The following GPC6 variants were observed in gnomAD, a reference collection of about 807,000 sequenced individuals.
GPC6 encodes the protein glypican 6.
In GPC6, 14 loss-of-function variants were observed where a neutral mutation model predicts 55.2. The ratio of observed to expected loss-of-function variants is 0.25; its 90% CI spans 0.17 to 0.40. The LOEUF (loss-of-function observed/expected upper bound fraction) is 0.40, where lower values mean the gene tolerates loss of function less well. GPC6 is among the 10% of genes least tolerant of loss of function. The probability of loss-of-function intolerance (pLI) is 1.00; values close to 1 mark genes in which losing one functional copy is unlikely to be tolerated. For synonymous variants in GPC6, 278 were observed against 259.6 expected, an observed-to-expected ratio of 1.07 and a Z score of -0.68; for missense variants, 641 against 708.5, an observed-to-expected ratio of 0.90 and a Z score of 1.08.
chr13:94,189,609 C>T (rs531419283), intron 4 of GPC6, among the ~76,000 whole-genome samples: 3 of 152,308 alleles, frequency 2.0e-5, no homozygotes, highest in South Asian at 4.1e-4. Flanking sequence ...ACATTCCTTG[C>T]AATGTCAAGG....
chr13:94,041,146 A>C (rs536319152), intron 4 of GPC6, among the ~76,000 whole-genome samples: 1 of 152,002 alleles, frequency 6.6e-6, no homozygotes, highest in Non-Finnish European at 1.5e-5. Flanking sequence ...TTAGAGTTAC[A>C]TCCGGACATT....
chr13:94,282,120 A>G (rs1892402482), intron 4 of GPC6, among the ~76,000 whole-genome samples: 1 of 152,248 alleles, frequency 6.6e-6, no homozygotes, highest in Non-Finnish European at 1.5e-5. Context: ...GGTTAAAATA[A>G]TAATCGTACT....
In GPC6 at chr13:93,564,578, C is replaced by A. The variant is rs1363832415; in HGVS notation, c.319+19157C>A. 2.0e-5 allele frequency among the ~76,000 whole-genome samples: 3 copies of A among 152,168 alleles called. No homozygotes were observed. The South Asian group carries it at 6.2e-4, about 31-fold the overall frequency. ...TGTGAAAGTCTTTTGCTTTTCTACACCCCACTTTCAATTTAAAAGTGACCA... is the reference window on the plus strand; with the variant it reads ...TGTGAAAGTCTTTTGCTTTTCTACAACCCACTTTCAATTTAAAAGTGACCA... On this transcript the variant is annotated intron_variant, in intron 2 of 8. Coordinates refer to ENST00000377047, the MANE Select transcript of GPC6 (RefSeq NM_005708.5).
At chr13:94,235,139 T>C (rs1396033330) in intron 4 of GPC6, among the ~76,000 whole-genome samples, 1 of 152,086 alleles carries the variant, frequency 6.6e-6, no homozygotes, top group African/African-American at 2.4e-5. Context: ...AAAGACAGCA[T>C]GATAAATCCT....
At chr13:94,335,042 T>G (rs1326142192) in intron 6 of GPC6, among the ~76,000 whole-genome samples, 4 of 152,178 alleles carry the variant, frequency 2.6e-5, no homozygotes, top group Non-Finnish European at 5.9e-5. Flanking sequence ...CTCATGGGCT[T>G]GGTCCATGAC....
chr13:93,758,933 A>G (rs1015800546), intron 2 of GPC6, among the ~76,000 whole-genome samples: 1 of 151,988 alleles, frequency 6.6e-6, no homozygotes, highest in African/African-American at 2.4e-5. Context: ...CCCAGACCCC[A>G]CTTCTTTTCT....
At chr13:93,764,160 C>A (rs1238713285) in intron 2 of GPC6, among the ~76,000 whole-genome samples, 1 of 151,976 alleles carries the variant, frequency 6.6e-6, no homozygotes, top group African/African-American at 2.4e-5. Flanking sequence ...ATATAGTAGA[C>A]CTTTTGCTAT....
chr13:94,017,652 CAG>C (rs2138707332), intron 3 of GPC6, among the ~76,000 whole-genome samples: 1 of 152,084 alleles, frequency 6.6e-6, no homozygotes, highest in East Asian at 1.9e-4. Flanking sequence ...AATCTGTGAG[CAG>C]AGAGAGTTTT....
chr13:94,316,759 T>G (rs1211701075), intron 6 of GPC6, among the ~76,000 whole-genome samples: 1 of 151,878 alleles, frequency 6.6e-6, no homozygotes, highest in Non-Finnish European at 1.5e-5. Flanking sequence ...CTTTTACTAC[T>G]GGCATGTAGA....
intron 3 of GPC6, among the ~76,000 whole-genome samples, chr13:93,874,820 T>C (rs1414701614): frequency 6.6e-6 from 1 of 151,864 alleles, no homozygotes; most frequent in African/African-American, 2.4e-5. Flanking sequence ...TGGCATCCTC[T>C]GACATGACCT....
intron 1 of GPC6, among the ~76,000 whole-genome samples, chr13:93,356,093 C>A (rs1397509897): frequency 6.6e-6 from 1 of 152,130 alleles, no homozygotes; most frequent in Non-Finnish European, 1.5e-5. Context: ...AGGAATTTTC[C>A]ACAGCCAGTT....
At position 93,227,259 on chromosome 13, in the gene GPC6, A is replaced by G. The variant is rs1295410004; in HGVS notation, c.-198A>G. On this transcript the variant is annotated 5_prime_UTR_variant, in exon 1 of 9. Transcript: ENST00000377047. This position sits in a 1 kb window ranked among gnomAD's most constrained non-coding sequence, Gnocchi z 4.3. ...CCCAGCCAGCCCTTGTTGGCTTGCCATCGTCCATCTGGCTTATAAAAGTTT... is the reference window on the plus strand; with the variant it reads ...CCCAGCCAGCCCTTGTTGGCTTGCCGTCGTCCATCTGGCTTATAAAAGTTT... The G allele has an allele frequency of 1.1e-4, 55 of 516,068 alleles. No homozygotes were observed. Among genetic ancestry groups the G allele is most frequent in the Non-Finnish European group, 2.4e-5 (7 of 289,290 alleles). The allele number at this position is 516,068 out of a possible 1,614,324, so 32.0% of individuals were successfully genotyped here.
intron 2 of GPC6, among the ~76,000 whole-genome samples, chr13:93,603,663 A>C (rs926857289): frequency 1.3e-5 from 2 of 152,218 alleles, no homozygotes; most frequent in African/African-American, 4.8e-5. Flanking sequence ...AAGTAAGATT[A>C]ATATTTTATC....
At chr13:94,356,667 C>T (rs1446836668) in intron 6 of GPC6, among the ~76,000 whole-genome samples, 1 of 152,184 alleles carries the variant, frequency 6.6e-6, no homozygotes, top group African/African-American at 2.4e-5. Flanking sequence ...TGGCAAGTAA[C>T]ATAAGCAAAG....
At chr13:94,247,892 A>G (rs916853909) in intron 4 of GPC6, among the ~76,000 whole-genome samples, 3 of 151,824 alleles carry the variant, frequency 2.0e-5, no homozygotes, top group African/African-American at 7.3e-5. Flanking sequence ...GTGGCTGTTC[A>G]CAGGTACAAA....
Position 93,665,488 on chromosome 13 carries a change from G to A in GPC6, c.319+120067G>A, listed in dbSNP as rs560092014. Among the ~76,000 whole-genome samples, 7 of 152,230 alleles carry A rather than the reference G, an allele frequency of 4.6e-5. No homozygotes were observed. The South Asian group carries it at 1.0e-3, about 23-fold the overall frequency. Reference sequence around the variant, plus strand: ...AGGATTTGAAAAAGACTGTGTGTGTGTATGTGTGTGTGCATAAACATATGT... The same window carrying A: ...AGGATTTGAAAAAGACTGTGTGTGTATATGTGTGTGTGCATAAACATATGT... On this transcript the variant is annotated intron_variant, in intron 2 of 8. Transcript: ENST00000377047.
intron 3 of GPC6, among the ~76,000 whole-genome samples, chr13:93,940,515 T>G (rs7332610): frequency 0.36 from 55,260 of 151,686 alleles, 10,259 homozygotes; most frequent in Middle Eastern, 0.49. Flanking sequence ...ACTGATTAAG[T>G]CCTCTAGGTA....
chr13:94,013,242 G>T (rs550682466), intron 3 of GPC6, among the ~76,000 whole-genome samples: 1 of 151,108 alleles, frequency 6.6e-6, no homozygotes, highest in Admixed American at 6.6e-5. Flanking sequence ...ATATATGTCC[G>T]TTTATAATTT....
At chr13:93,914,244 G>A (rs1350259307) in intron 3 of GPC6, among the ~76,000 whole-genome samples, 2 of 151,884 alleles carry the variant, frequency 1.3e-5, no homozygotes, top group Non-Finnish European at 2.9e-5. Context: ...AGGCCCCGGT[G>A]TGTGATGTTC....
Sources: allele counts gnomAD v4.1 joint callset (sites outside exome capture counted in the v4.1 genomes callset), GRCh38; gene constraint gnomAD v4.1.1; non-coding constraint Gnocchi (gnomAD v3.1); transcripts MANE v1.5; gene names NCBI Gene and HGNC (gene_info 2026-07-23, HGNC 2026-07-21).